The following TYW1 variants were observed in gnomAD, a reference collection of about 807,000 sequenced individuals.
TYW1 encodes tRNA-yW synthesizing protein 1 homolog.
TYW1 carries 46 observed loss-of-function variants against 96.2 expected under a neutral mutation model. The observed-to-expected ratio is 0.48, with a 90% confidence interval of 0.38 to 0.61. The LOEUF is 0.61. TYW1 is among the 20% of genes least tolerant of loss of function. The probability of loss-of-function intolerance (pLI) is 0.00; values close to 1 mark genes in which losing one functional copy is unlikely to be tolerated. For missense variants in TYW1, 684 were observed against 909.6 expected, an observed-to-expected ratio of 0.75 and a Z score of 3.19; for synonymous variants, 274 against 323.0, an observed-to-expected ratio of 0.85 and a Z score of 1.63.
At chr7:67,200,147 C>T (rs1298410870) in intron 15 of TYW1, among the ~76,000 whole-genome samples, 1 of 151,978 alleles carries the variant, frequency 6.6e-6, no homozygotes, top group Non-Finnish European at 1.5e-5. Flanking sequence ...CAAGTGTGCG[C>T]CAGGACAAAG....
At chr7:67,210,673 T>C (rs929092627) in intron 15 of TYW1, among the ~76,000 whole-genome samples, 3 of 140,764 alleles carry the variant, frequency 2.1e-5, no homozygotes, top group African/African-American at 8.3e-5. Flanking sequence ...CCATCCGTCA[T>C]CTGTCTATCC....
At chr7:67,235,242 C>T (rs149626036) in intron 15 of TYW1, among the ~76,000 whole-genome samples, 5,764 of 152,312 alleles carry the variant, frequency 0.038, 326 homozygotes, top group African/African-American at 0.13. Context: ...TGTCCCTGTA[C>T]TCCCCAAGTG....
At chr7:67,095,129 G>A (rs1204560521) in intron 11 of TYW1, among the ~76,000 whole-genome samples, 1 of 151,928 alleles carries the variant, frequency 6.6e-6, no homozygotes, top group Non-Finnish European at 1.5e-5. Context: ...CTCCCGAGTA[G>A]CTGGGCCTAC....
chr7:67,062,317 A>C (rs1584514544), intron 9 of TYW1, among the ~76,000 whole-genome samples: 1 of 151,988 alleles, frequency 6.6e-6, no homozygotes, highest in Non-Finnish European at 1.5e-5. Context: ...GCTGAGGCAG[A>C]AGAATCACTC....
chr7:67,073,616 T>C (rs1283930611), intron 10 of TYW1, among the ~76,000 whole-genome samples: 5 of 146,406 alleles, frequency 3.4e-5, no homozygotes, highest in Non-Finnish European at 7.5e-5. Flanking sequence ...CTTAAAAAAA[T>C]ACAAAAAATT....
chr7:67,105,629 G>T (rs1797212918), intron 12 of TYW1, among the ~76,000 whole-genome samples: 1 of 152,180 alleles, frequency 6.6e-6, no homozygotes, highest in Admixed American at 6.5e-5. Flanking sequence ...CTCCCGTCTT[G>T]CTGTTTCTTC....
At chr7:67,055,928 A>G in intron 9 of TYW1, 41 bp downstream of exon 9, 2 of 1,445,482 alleles carry the variant, frequency 1.4e-6, no homozygotes, top group East Asian at 4.5e-5. Context: ...ATTACATGCA[A>G]CTTTTAAATA....
intron 15 of TYW1, among the ~76,000 whole-genome samples, chr7:67,221,377 T>C (rs1801387040): frequency 6.6e-6 from 1 of 152,262 alleles, no homozygotes; most frequent in Non-Finnish European, 1.5e-5. Context: ...TCCACTTGTA[T>C]CTTTGGGTTC....
At chr7:67,008,987 T>C (rs1793696546) in intron 3 of TYW1, among the ~76,000 whole-genome samples, 1 of 152,096 alleles carries the variant, frequency 6.6e-6, no homozygotes, top group Non-Finnish European at 1.5e-5. Flanking sequence ...CTTTTTGCAC[T>C]TCTCTGTGTT....
At chr7:67,084,573 T>C (rs1796489538) in intron 11 of TYW1, among the ~76,000 whole-genome samples, 1 of 151,730 alleles carries the variant, frequency 6.6e-6, no homozygotes, top group African/African-American at 2.4e-5. Flanking sequence ...GGCTGGAGTA[T>C]GTGGTGCCAT....
chr7:67,147,499 C>G (rs548149995), intron 13 of TYW1, among the ~76,000 whole-genome samples: 8 of 151,970 alleles, frequency 5.3e-5, no homozygotes, highest in Non-Finnish European at 7.4e-5. Context: ...CATGGGAGTT[C>G]GTTGTACAGA....
At chr7:67,089,261 TG>T in intron 11 of TYW1, 2 of 1,326,518 alleles carry the variant, frequency 1.5e-6, no homozygotes, top group South Asian at 1.3e-5. Flanking sequence ...ACTCCCTCAG[TG>T]GGGTGGGGGC....
At chr7:67,089,853 G>T (rs887092234) in intron 11 of TYW1, among the ~76,000 whole-genome samples, 18 of 152,084 alleles carry the variant, frequency 1.2e-4, no homozygotes, top group African/African-American at 4.1e-4. Context: ...CAGAATTTCA[G>T]TGCCACTCAG....
chr7:67,155,304 G>A (rs1007411539), intron 13 of TYW1, among the ~76,000 whole-genome samples: 7 of 152,170 alleles, frequency 4.6e-5, no homozygotes, highest in African/African-American at 1.4e-4. Flanking sequence ...GAATGAGTTG[G>A]CGCTGTCCTT....
chr7:67,148,663 C>G (rs1222775793), intron 13 of TYW1, among the ~76,000 whole-genome samples: 2 of 151,990 alleles, frequency 1.3e-5, no homozygotes, highest in Non-Finnish European at 2.9e-5. Flanking sequence ...GATCTCCTGA[C>G]CTCGTTATCC....
chr7:67,202,281 C>A (rs533089113), intron 15 of TYW1, among the ~76,000 whole-genome samples: 1 of 152,292 alleles, frequency 6.6e-6, no homozygotes, highest in African/African-American at 2.4e-5. Context: ...AGGCCTGGTC[C>A]ATTGGCCCTG....
rs535249407 is a variant in TYW1, at chr7:67,239,105, C to G, written c.*576C>G. On this transcript the variant is annotated 3_prime_UTR_variant, in exon 16 of 16. Transcript: ENST00000359626. ...ATTGAGTTTTGGTTTATTACCAACC[C>G]TTCCCAGAATTGCGTTGGATCTAAA... The G allele has an allele frequency of 1.0e-6, 1 of 986,316 alleles. No homozygotes were observed. The highest frequency in any genetic ancestry group is 1.2e-6 in the Non-Finnish European group (1 of 830,576). The allele number at this position is 986,316 out of a possible 1,614,324, so 61.1% of individuals were successfully genotyped here.
chr7:67,172,063 A>G (rs1799530996), intron 13 of TYW1, among the ~76,000 whole-genome samples: 1 of 152,150 alleles, frequency 6.6e-6, no homozygotes, highest in Non-Finnish European at 1.5e-5. Context: ...ATGAAATACA[A>G]TAATTGATAT....
intron 7 of TYW1, 114 bp downstream of exon 7, chr7:67,025,136 T>G: frequency 1.3e-6 from 2 of 1,496,252 alleles, no homozygotes; most frequent in Non-Finnish European, 1.8e-6. Context: ...TTTCTCTAGC[T>G]TCTGTCTTGA....
Sources: allele counts gnomAD v4.1 joint callset (sites outside exome capture counted in the v4.1 genomes callset), GRCh38; gene constraint gnomAD v4.1.1; transcripts MANE v1.5; gene names NCBI Gene and HGNC (gene_info 2026-07-23, HGNC 2026-07-21).